Variants in MIPOL1 observed in about 807,000 individuals in gnomAD.
MIPOL1 encodes the protein mirror-image polydactyly 1, also known as mirror-image polydactyly gene 1 protein.
MIPOL1 carries 57 observed loss-of-function variants against 60.9 expected under a neutral mutation model. The ratio of observed to expected loss-of-function variants is 0.94; its 90% CI spans 0.76 to 1.17. The LOEUF is 1.17. MIPOL1 is among the 50% of genes most tolerant of loss of function. The probability of loss-of-function intolerance (pLI) is 0.00; values close to 1 mark genes in which losing one functional copy is unlikely to be tolerated. For missense variants in MIPOL1, 551 were observed against 511.6 expected (o/e 1.08, Z -0.74); for synonymous variants, 179 against 168.8 (o/e 1.06, Z -0.47).
At chr14:37,204,052 G>C (rs1026789197) in intron 1 of MIPOL1, among the ~76,000 whole-genome samples, 1 of 151,916 alleles carries the variant, frequency 6.6e-6, no homozygotes, top group East Asian at 1.9e-4. Flanking sequence ...AAAGTGCTGG[G>C]ATTACAGACG....
At chr14:37,251,212 C>G (rs758391348) in intron 3 of MIPOL1, among the ~76,000 whole-genome samples, 1 of 151,952 alleles carries the variant, frequency 6.6e-6, no homozygotes, top group African/African-American at 2.4e-5. Context: ...AGGCATGAGT[C>G]ACTGTATCTG....
chr14:37,297,538 T>C (rs904196292), intron 7 of MIPOL1, among the ~76,000 whole-genome samples: 40 of 152,298 alleles, frequency 2.6e-4, no homozygotes, highest in African/African-American at 8.9e-4. Context: ...GATGACATGA[T>C]TGTGTATCTA....
chr14:37,321,979 G>A (rs557353606), intron 9 of MIPOL1, among the ~76,000 whole-genome samples: 227 of 151,872 alleles, frequency 1.5e-3, no homozygotes, highest in Non-Finnish European at 2.5e-3. Flanking sequence ...TACAGTGAAC[G>A]TTTATATATA....
chr14:37,405,852 A>G (rs2093576956), intron 10 of MIPOL1, among the ~76,000 whole-genome samples: 1 of 151,438 alleles, frequency 6.6e-6, no homozygotes, highest in Non-Finnish European at 1.5e-5. Context: ...CAATTTAAAA[A>G]GTTTCCTTGT....
intron 7 of MIPOL1, among the ~76,000 whole-genome samples, chr14:37,297,361 A>T (rs763442545): frequency 1.3e-5 from 2 of 152,320 alleles, no homozygotes; most frequent in African/African-American, 4.8e-5. Context: ...CTGAATGAAC[A>T]AAAACTGGAA....
intron 7 of MIPOL1, among the ~76,000 whole-genome samples, chr14:37,303,625 T>C (rs899523322): frequency 5.9e-5 from 9 of 151,782 alleles, no homozygotes; most frequent in Non-Finnish European, 1.2e-4. Context: ...ATTTTGTCTT[T>C]TAGAGTATTA....
At chr14:37,424,349 A>G (rs749512680) in intron 11 of MIPOL1, among the ~76,000 whole-genome samples, 1 of 152,174 alleles carries the variant, frequency 6.6e-6, no homozygotes, top group Non-Finnish European at 1.5e-5. Context: ...AGGGGAAATT[A>G]TGGACACAGA....
intron 3 of MIPOL1, among the ~76,000 whole-genome samples, chr14:37,256,796 A>G (rs928182403): frequency 4.0e-5 from 6 of 151,820 alleles, no homozygotes; most frequent in Non-Finnish European, 5.9e-5. Context: ...TTTGCTTTCC[A>G]TGATGTTCTA....
At chr14:37,379,764 G>T (rs1279710984) in intron 10 of MIPOL1, among the ~76,000 whole-genome samples, 1 of 152,046 alleles carries the variant, frequency 6.6e-6, no homozygotes, top group East Asian at 1.9e-4. Context: ...GTAGAAAAAT[G>T]TAAATTTTTT....
chr14:37,270,300 C>G, intron 5 of MIPOL1, 120 bp from the exon 6 acceptor site: 1 of 436,038 alleles, frequency 2.3e-6, no homozygotes, highest in South Asian at 5.8e-5. Context: ...CTGGAGTTAT[C>G]TATCTAGGAA....
chr14:37,427,541 G>A (rs2093986630), intron 11 of MIPOL1, among the ~76,000 whole-genome samples: 2 of 152,198 alleles, frequency 1.3e-5, no homozygotes, highest in Middle Eastern at 3.4e-3. Context: ...AGTAAGTTGT[G>A]CAGTTAAAAT....
At chr14:37,529,052 G>A (rs188912392) in intron 12 of MIPOL1, among the ~76,000 whole-genome samples, 17 of 152,268 alleles carry the variant, frequency 1.1e-4, no homozygotes, top group Admixed American at 8.5e-4. Flanking sequence ...TGGCAAAAAG[G>A]TGACAAGTAT....
chr14:37,480,730 T>C (rs904263288), intron 11 of MIPOL1, among the ~76,000 whole-genome samples: 4 of 151,936 alleles, frequency 2.6e-5, no homozygotes, highest in African/African-American at 9.7e-5. Flanking sequence ...GAGAAAGAAA[T>C]AAAAGTCATT....
chr14:37,540,459 G>T (rs1240865309), intron 12 of MIPOL1, among the ~76,000 whole-genome samples: 3 of 152,064 alleles, frequency 2.0e-5, no homozygotes, highest in African/African-American at 7.2e-5. Flanking sequence ...ATATCTATCT[G>T]TGTGCATTAT....
chr14:37,292,892 G>A (rs991590402), intron 7 of MIPOL1, among the ~76,000 whole-genome samples: 3 of 152,194 alleles, frequency 2.0e-5, no homozygotes, highest in Non-Finnish European at 4.4e-5. Context: ...GATGGGAATG[G>A]AATTTGGTAA....
At chr14:37,383,661 A>T (rs1785654709) in intron 10 of MIPOL1, among the ~76,000 whole-genome samples, 1 of 151,896 alleles carries the variant, frequency 6.6e-6, no homozygotes, top group African/African-American at 2.4e-5. Flanking sequence ...CTTTACTTTT[A>T]GAAAGACCAA....
At chr14:37,357,171 G>A (rs1380104099) in intron 9 of MIPOL1, among the ~76,000 whole-genome samples, 1 of 152,132 alleles carries the variant, frequency 6.6e-6, no homozygotes, top group Non-Finnish European at 1.5e-5. Flanking sequence ...TTAATTTTCT[G>A]AGGAACCTCC....
chr14:37,451,612 G>A (rs2094417647), intron 11 of MIPOL1, among the ~76,000 whole-genome samples: 1 of 151,864 alleles, frequency 6.6e-6, no homozygotes, highest in Non-Finnish European at 1.5e-5. Context: ...ATAATCATAG[G>A]ATTGTTTAAT....
In MIPOL1 at chr14:37,316,029, A is replaced by AT. The variant is rs374928678; in HGVS notation, c.828+7525dup. Among the ~76,000 whole-genome samples the AT allele has an allele frequency of 3.2e-3, 464 of 143,444 alleles. 6 individuals carry two copies. The highest frequency in any genetic ancestry group is 0.01 in the African/African-American group (390 of 38,742). The allele number at this position is 143,444 out of a possible 152,430, so 94.1% of individuals were successfully genotyped here. ...TTGTTTCTGTTTATTTATTTATTTAATTTTTTTTTTTTTTTGAGACCGAAT... is the reference window on the plus strand; with the variant it reads ...TTGTTTCTGTTTATTTATTTATTTAATTTTTTTTTTTTTTTTGAGACCGAAT... On this transcript the variant is annotated intron_variant, in intron 9 of 12. Coordinates refer to ENST00000684589, the MANE Select transcript of MIPOL1 (RefSeq NM_001388067.1).
Sources: gnomAD v4.1 joint callset for allele counts (sites outside exome capture counted in the v4.1 genomes callset) on GRCh38, gnomAD v4.1.1 for gene constraint, MANE v1.5 for transcripts, NCBI Gene and HGNC (gene_info 2026-07-23, HGNC 2026-07-21) for gene names.